Variants in NSUN2 observed in about 807,000 individuals in gnomAD.
NSUN2 encodes NOP2/Sun RNA methyltransferase 2.
NSUN2 carries 63 observed loss-of-function variants against 92.7 expected under a neutral mutation model. That is an observed-to-expected ratio of 0.68 (90% CI 0.56 to 0.84). NSUN2 has a LOEUF of 0.84. Among genes scored for constraint, NSUN2 ranks in the 40% least tolerant of loss-of-function variants. The probability of loss-of-function intolerance (pLI) is 0.00; values close to 1 mark genes in which losing one functional copy is unlikely to be tolerated. For synonymous variants in NSUN2, 356 were observed against 348.3 expected (o/e 1.02, Z -0.25); for missense variants, 989 against 964.9 (o/e 1.02, Z -0.33).
chr5:6,631,041 C>T (rs1325465663), intron 3 of NSUN2, among the ~76,000 whole-genome samples: 2 of 152,142 alleles, frequency 1.3e-5, no homozygotes, highest in African/African-American at 2.4e-5. Context: ...TTGCAGTGAG[C>T]CAAGATGGTG....
intron 5 of NSUN2, among the ~76,000 whole-genome samples, chr5:6,622,623 G>T (rs1184831449): frequency 6.6e-6 from 1 of 152,064 alleles, no homozygotes; most frequent in Admixed American, 6.5e-5. Context: ...CAAGGCAGGC[G>T]GATCGCCTGA....
intron 7 of NSUN2, among the ~76,000 whole-genome samples, chr5:6,619,123 G>C (rs1454659590): frequency 6.6e-6 from 1 of 152,056 alleles, no homozygotes; most frequent in African/African-American, 2.4e-5. Context: ...AACAGGGGTA[G>C]GAAAACATGA....
intron 14 of NSUN2, among the ~76,000 whole-genome samples, chr5:6,606,344 C>T (rs1300980193): frequency 1.3e-5 from 2 of 152,174 alleles, no homozygotes; most frequent in African/African-American, 2.4e-5. Context: ...AGTGCAGCGG[C>T]GCGATCTCGG....
At chr5:6,601,476 G>A (rs1239365754) in intron 18 of NSUN2, among the ~76,000 whole-genome samples, 1 of 151,904 alleles carries the variant, frequency 6.6e-6, no homozygotes, top group Non-Finnish European at 1.5e-5. Flanking sequence ...TCCATCTGTT[G>A]TTCCCTCACC....
intron 9 of NSUN2, 107 bp from the exon 10 acceptor site, chr5:6,611,905 C>T (rs1579363309): frequency 9.9e-7 from 1 of 1,011,288 alleles, no homozygotes; most frequent in Non-Finnish European, 1.5e-6. Flanking sequence ...ATTCCATGTA[C>T]AGAAAATGTC....
rs1736674023 is a variant in NSUN2 at position 6,604,353 on chromosome 5, A to G, written c.1819-77T>C. On this transcript the variant is annotated intron_variant, in intron 16 of 18. Transcript: ENST00000264670. ...CGACAACAGCCTGCTCTCAGGGGCT[A>G]TGCTCTTAGCGGCTATGGTGGTCGA... The G allele has an allele frequency of 2.2e-6, 3 of 1,342,578 alleles. 1 individual carries two copies. In the Admixed American group the frequency reaches 5.6e-5, roughly 25 times the overall value. The allele number at this position is 1,342,578 out of a possible 1,614,324, so 83.2% of individuals were successfully genotyped here.
chr5:6,611,544 G>T (rs1736993312), intron 10 of NSUN2, among the ~76,000 whole-genome samples, 181 bp downstream of exon 10: 1 of 150,120 alleles, frequency 6.7e-6, no homozygotes, highest in African/African-American at 2.5e-5. Flanking sequence ...CCACTGCCAG[G>T]AATAAACATG....
rs1211445301 is a variant in NSUN2 at position 6,632,518 on chromosome 5, A to G, written c.254+81T>C. 1.2e-4 allele frequency: 180 copies of G among 1,510,954 alleles called. 1 individual carries two copies. Among genetic ancestry groups the G allele is most frequent in the Non-Finnish European group, 1.6e-5 (18 of 1,104,260 alleles). The allele number at this position is 1,510,954 out of a possible 1,614,324, so 93.6% of individuals were successfully genotyped here. A position where few individuals can be genotyped will look rare whatever the true frequency, so the allele number is the denominator to read the frequency against. On this transcript the variant is annotated intron_variant, in intron 2 of 18. Coordinates refer to ENST00000264670, the MANE Select transcript of NSUN2 (RefSeq NM_017755.6). ...CGCCACGGTTCTCTGGCACTGTAACACTTGTCGAAGAAAACACCGTCGCCT... is the reference window on the plus strand; with the variant it reads ...CGCCACGGTTCTCTGGCACTGTAACGCTTGTCGAAGAAAACACCGTCGCCT...
chr5:6,604,041 ATGAT>A lies in NSUN2; in HGVS notation c.1957+93_1957+96del, dbSNP rs1449788538. ...TGTAGCCATAAATAAACTGAAAACT[ATGAT>A]TGATAAATATGCCCCAACGCACACC... On this transcript the variant is annotated intron_variant, in intron 17 of 18. Coordinates refer to ENST00000264670, the MANE Select transcript of NSUN2 (RefSeq NM_017755.6). The A allele has an allele frequency of 4.4e-5, 48 of 1,085,010 alleles. No individual in the cohort carries two copies. In the East Asian group the frequency reaches 6.4e-4, roughly 15 times the overall value. The allele number at this position is 1,085,010 out of a possible 1,614,324, so 67.2% of individuals were successfully genotyped here. A position where few individuals can be genotyped will look rare whatever the true frequency, so the allele number is the denominator to read the frequency against.
At position 6,632,966 on chromosome 5, in the gene NSUN2, G is replaced by A. The variant is rs1738001438; in HGVS notation, c.14C>T (p.Ser5Leu). The change falls in exon 1 of 19, where the codon TCG becomes TTG. Residue 5 changes from serine to leucine, a missense_variant. By Grantham distance (145) the Ser-to-Leu change is moderately radical. Around this residue, in one of 3 missense-constraint regions of NSUN2, gnomAD observed 356 missense variants for 338.6 expected, o/e 1.05. Transcript: ENST00000264670. Reference sequence around the variant, plus strand: ...CTGTTGCTGGAGCCGCCGACCCCGCGACCGCCGCCCCATAGCCCACGCGGC... The same window carrying A: ...CTGTTGCTGGAGCCGCCGACCCCGCAACCGCCGCCCCATAGCCCACGCGGC... MGRRSRGRRLQQQQR... is the reference protein window; with the variant it reads MGRRLRGRRLQQQQR... The A allele has an allele frequency of 6.7e-7, 1 of 1,488,168 alleles. No individual in the cohort carries two copies. Among genetic ancestry groups the A allele is most frequent in the East Asian group, 2.8e-5 (1 of 36,004 alleles). 92.2% of individuals were successfully genotyped at this position (1,488,168 alleles called of 1,614,324 possible). A position where few individuals can be genotyped will look rare whatever the true frequency, so the allele number is the denominator to read the frequency against.
chr5:6,619,203 TTTTAC>T (rs1375706170), intron 7 of NSUN2, among the ~76,000 whole-genome samples: 2 of 152,220 alleles, frequency 1.3e-5, no homozygotes, highest in Non-Finnish European at 2.9e-5. Context: ...GTATTTTAAA[TTTTAC>T]TTTAAAGAGG....
intron 18 of NSUN2, among the ~76,000 whole-genome samples, chr5:6,601,056 C>T (rs922399402): frequency 6.6e-5 from 10 of 152,134 alleles, no homozygotes; most frequent in South Asian, 2.1e-4. Context: ...AGGCTCCTAA[C>T]GGCCGTGTTT....
chr5:6,602,345 A>T lies in NSUN2; in HGVS notation c.1997+116T>A, dbSNP rs966995572. On this transcript the variant is annotated intron_variant, in intron 18 of 18. Coordinates refer to ENST00000264670, the MANE Select transcript of NSUN2 (RefSeq NM_017755.6). ...TTCACAAGGCTACTTCTGAGGAACA[A>T]TCACAAAAGGCCTGAAGAAGGTTCC... 4.2e-5 allele frequency: 42 copies of T among 1,003,258 alleles called. No individual in the cohort carries two copies. In the Admixed American group the frequency reaches 7.9e-4, roughly 19 times the overall value. The allele number at this position is 1,003,258 out of a possible 1,614,324, so 62.1% of individuals were successfully genotyped here.
chr5:6,632,720 TCTC>T lies in NSUN2; in HGVS notation c.130_132del (p.Glu44del), dbSNP rs2126515752. 2 of 1,613,942 alleles carry T rather than the reference TCTC, an allele frequency of 1.2e-6. No homozygotes were observed. Among genetic ancestry groups the T allele is most frequent in the Middle Eastern group, 1.7e-4 (1 of 6,058 alleles). On this transcript the variant is annotated inframe_deletion, in exon 2 of 19. Transcript: ENST00000264670. ...TGGTAGTAGTGCTCGAACAGCTTGTTCTCCTTGACGATCTCGGGGTAGCCTCCT... is the reference window on the plus strand; with the variant it reads ...TGGTAGTAGTGCTCGAACAGCTTGTTCTTGACGATCTCGGGGTAGCCTCCT...
At position 6,626,060 on chromosome 5, in the gene NSUN2, C is replaced by T. The variant is rs145155264; in HGVS notation, c.360-391G>A. 1.5e-4 allele frequency among the ~76,000 whole-genome samples: 23 copies of T among 152,310 alleles called. No individual in the cohort carries two copies. In the East Asian group the frequency reaches 3.7e-3, roughly 24 times the overall value. On this transcript the variant is annotated intron_variant, in intron 3 of 18. Coordinates refer to ENST00000264670, the MANE Select transcript of NSUN2 (RefSeq NM_017755.6). ...TGACTTACTTAATGTGCAGATCACACAGAATCAAAATAATGCAGTGTCAGA... is the reference window on the plus strand; with the variant it reads ...TGACTTACTTAATGTGCAGATCACATAGAATCAAAATAATGCAGTGTCAGA...
rs757441026 is a variant in NSUN2 at position 6,616,719 on chromosome 5, G to T, written c.1021+8C>A. The T allele has an allele frequency of 2.2e-6, 3 of 1,374,730 alleles. No individual in the cohort carries two copies. The African/African-American group carries it at 8.5e-5, about 39-fold the overall frequency. The allele number at this position is 1,374,730 out of a possible 1,614,324, so 85.2% of individuals were successfully genotyped here. ...GCTGTTAATAAAAGATCCATCAAGC[G>T]TGCTTACCTTCACTTTTTTCCAGTA... On this transcript the variant is annotated splice_region_variant and intron_variant, in intron 9 of 18. Coordinates refer to ENST00000264670, the MANE Select transcript of NSUN2 (RefSeq NM_017755.6).
In NSUN2 at chr5:6,632,836, G is replaced by A. The variant is rs1208920205; in HGVS notation, c.96+48C>T. ...CCGCCTCGCAGGCCTCGGGGTCCGG[G>A]AAGCCCAGGAGGAGCCCCTGGCCCG... On this transcript the variant is annotated intron_variant, in intron 1 of 18. Transcript: ENST00000264670. The A allele has an allele frequency of 3.9e-6, 6 of 1,551,666 alleles. No homozygotes were observed. The East Asian group carries it at 9.7e-5, about 25-fold the overall frequency.
rs111272561 is a variant in NSUN2, at chr5:6,604,427, C to G, written c.1819-151G>C. The G allele has an allele frequency of 3.5e-3, 3,258 of 932,012 alleles. 30 individuals carry two copies. The highest frequency in any genetic ancestry group is 0.031 in the African/African-American group (1,890 of 60,736). 57.7% of individuals were successfully genotyped at this position (932,012 alleles called of 1,614,324 possible). A position where few individuals can be genotyped will look rare whatever the true frequency, so the allele number is the denominator to read the frequency against. Reference sequence around the variant, plus strand: ...TGGACAGGTGTGGAACCCACCCCCCCCTAGGAGGGGAAACCAGCACTCTGG... The same window carrying G: ...TGGACAGGTGTGGAACCCACCCCCCGCTAGGAGGGGAAACCAGCACTCTGG... On this transcript the variant is annotated intron_variant, in intron 16 of 18. Transcript: ENST00000264670.
chr5:6,622,755 G>C (rs1313148139), intron 5 of NSUN2, among the ~76,000 whole-genome samples: 1 of 151,382 alleles, frequency 6.6e-6, no homozygotes, highest in East Asian at 1.9e-4. Context: ...ACTGAGGCAG[G>C]AGAATTGCCT....
Sources: gnomAD v4.1 joint callset for allele counts (sites outside exome capture counted in the v4.1 genomes callset) on GRCh38, gnomAD v4.1.1 for gene constraint, gnomAD v4.1.1 regional missense constraint, MANE v1.5 for transcripts, NCBI Gene and HGNC (gene_info 2026-07-23, HGNC 2026-07-21) for gene names.